Variants in SLC2A13 observed in about 807,000 individuals in gnomAD.
SLC2A13 encodes the protein proton myo-inositol cotransporter.
SLC2A13 carries 32 observed loss-of-function variants against 64.4 expected under a neutral mutation model. The ratio of observed to expected loss-of-function variants is 0.50; its 90% CI spans 0.37 to 0.67. The LOEUF (loss-of-function observed/expected upper bound fraction) is 0.67. Among genes scored for constraint, SLC2A13 ranks in the 30% least tolerant of loss-of-function variants. The pLI, the probability that SLC2A13 is intolerant of heterozygous loss-of-function variation, is 0.00. For synonymous variants in SLC2A13, 338 were observed against 327.1 expected, an observed-to-expected ratio of 1.03 and a Z score of -0.36; for missense variants, 743 against 829.2, an observed-to-expected ratio of 0.90 and a Z score of 1.28.
chr12:39,856,358 C>T (rs1943607356), intron 6 of SLC2A13, among the ~76,000 whole-genome samples: 1 of 151,970 alleles, frequency 6.6e-6, no homozygotes, highest in Non-Finnish European at 1.5e-5. Context: ...CTTTGCTATG[C>T]TTTATTTTAT....
At chr12:40,014,569 G>A (rs1045749507) in intron 3 of SLC2A13, among the ~76,000 whole-genome samples, 3 of 151,894 alleles carry the variant, frequency 2.0e-5, no homozygotes, top group Admixed American at 2.0e-4. Context: ...TCGGCTCACT[G>A]CAACCTCCAC....
chr12:39,821,409 C>CA (rs553327490), intron 7 of SLC2A13, among the ~76,000 whole-genome samples: 2,993 of 144,020 alleles, frequency 0.021, 65 homozygotes, highest in African/African-American at 0.052. Flanking sequence ...GACTCCGTCT[C>CA]AAAAAAAAAA....
intron 3 of SLC2A13, among the ~76,000 whole-genome samples, chr12:39,960,967 G>A (rs1248420305): frequency 9.3e-5 from 14 of 150,856 alleles, no homozygotes; most frequent in Non-Finnish European, 1.9e-4. Flanking sequence ...TGCTGGTCTC[G>A]AACTCCCGAC....
chr12:39,987,579 C>T (rs1270176066), intron 3 of SLC2A13, among the ~76,000 whole-genome samples: 1 of 152,156 alleles, frequency 6.6e-6, no homozygotes, highest in Non-Finnish European at 1.5e-5. Context: ...TAGTAATCAA[C>T]AGCATGTAGA....
intron 2 of SLC2A13, among the ~76,000 whole-genome samples, chr12:40,032,905 G>A (rs1287182832): frequency 6.6e-6 from 1 of 152,152 alleles, no homozygotes; most frequent in Non-Finnish European, 1.5e-5. Flanking sequence ...TTCCAGAGGT[G>A]TGATGATTAT....
At chr12:39,987,894 A>C (rs1015493727) in intron 3 of SLC2A13, among the ~76,000 whole-genome samples, 2 of 152,134 alleles carry the variant, frequency 1.3e-5, no homozygotes, top group African/African-American at 2.4e-5. Flanking sequence ...CTGTAAAAGT[A>C]CTGTTTAATA....
intron 1 of SLC2A13, among the ~76,000 whole-genome samples, chr12:40,083,100 T>G (rs1467436895): frequency 6.6e-6 from 1 of 152,176 alleles, no homozygotes; most frequent in East Asian, 1.9e-4. Context: ...TTATTCAGAT[T>G]ACTCAGGAGA....
At chr12:39,860,700 C>T (rs1375984379) in intron 6 of SLC2A13, among the ~76,000 whole-genome samples, 2 of 152,180 alleles carry the variant, frequency 1.3e-5, no homozygotes, top group African/African-American at 4.8e-5. Context: ...CCTCCTATGG[C>T]CACAGTTAAT....
intron 2 of SLC2A13, among the ~76,000 whole-genome samples, chr12:40,030,532 A>G (rs1382598124): frequency 6.6e-6 from 1 of 152,178 alleles, no homozygotes; most frequent in Non-Finnish European, 1.5e-5. Flanking sequence ...TCATTTATCT[A>G]CACTTCTCAT....
intron 3 of SLC2A13, among the ~76,000 whole-genome samples, chr12:40,020,034 C>T (rs1947686538): frequency 6.6e-6 from 1 of 152,094 alleles, no homozygotes; most frequent in Admixed American, 6.5e-5. Context: ...TGCTTAGTAC[C>T]AGAGGGTTTA....
At chr12:40,028,575 C>T (rs1055302848) in intron 2 of SLC2A13, 66 bp from the exon 3 acceptor site, 16 of 1,501,084 alleles carry the variant, frequency 1.1e-5, no homozygotes, top group Admixed American at 1.8e-5. Flanking sequence ...TCACCACATA[C>T]TTTTGTGTTG....
Position 39,759,908 on chromosome 12 carries a change from A to T in SLC2A13, c.*118T>A. On this transcript the variant is annotated 3_prime_UTR_variant, in exon 10 of 10. Transcript: ENST00000280871. Reference sequence around the variant, plus strand: ...CCTAATCAAGTATTCTAGAATATGAAGTCAATCAAAACTAGGCTGTGGAAA... The same window carrying T: ...CCTAATCAAGTATTCTAGAATATGATGTCAATCAAAACTAGGCTGTGGAAA... 1 of 692,406 alleles carries T rather than the reference A, an allele frequency of 1.4e-6. No homozygotes were observed. The highest frequency in any genetic ancestry group is 2.4e-6 in the Non-Finnish European group (1 of 411,308). The allele number at this position is 692,406 out of a possible 1,614,324, so 42.9% of individuals were successfully genotyped here.
intron 6 of SLC2A13, among the ~76,000 whole-genome samples, chr12:39,864,282 C>G (rs1943844869): frequency 6.6e-6 from 1 of 152,174 alleles, no homozygotes; most frequent in African/African-American, 2.4e-5. Flanking sequence ...TCTGAAAGAG[C>G]CTCAGTACTG....
chr12:39,902,738 A>G (rs913053710), intron 4 of SLC2A13, among the ~76,000 whole-genome samples: 22 of 152,214 alleles, frequency 1.4e-4, no homozygotes, highest in Non-Finnish European at 2.9e-4. Context: ...CACTAAGATT[A>G]AAAAAAGATA....
Position 39,757,479 on chromosome 12 carries a change from A to G in SLC2A13, c.*2547T>C, listed in dbSNP as rs1939999958. 1.3e-5 allele frequency: 2 copies of G among 151,656 alleles called. No individual in the cohort carries two copies. Among genetic ancestry groups the G allele is most frequent in the African/African-American group, 4.8e-5 (2 of 41,392 alleles). 9.4% of individuals were successfully genotyped at this position (151,656 alleles called of 1,614,324 possible). A position where few individuals can be genotyped will look rare whatever the true frequency, so the allele number is the denominator to read the frequency against. ...TTAAACATTTAATTTTTAATATACT[A>G]TAAATGTTCACCAAATCTAAAAATA... is the stretch of plus-strand genomic sequence containing the variant. On this transcript the variant is annotated 3_prime_UTR_variant, in exon 10 of 10. Coordinates refer to ENST00000280871, the MANE Select transcript of SLC2A13 (RefSeq NM_052885.4).
intron 4 of SLC2A13, among the ~76,000 whole-genome samples, chr12:39,887,256 A>G (rs1944487288): frequency 6.6e-6 from 1 of 152,242 alleles, no homozygotes; most frequent in Admixed American, 6.5e-5. Context: ...CATAAAATAC[A>G]AAAGTCATAC....
chr12:39,862,744 A>C (rs556259624), intron 6 of SLC2A13, among the ~76,000 whole-genome samples: 1 of 152,302 alleles, frequency 6.6e-6, no homozygotes, highest in African/African-American at 2.4e-5. Flanking sequence ...ATAGTGGACC[A>C]TATTTATGGG....
intron 7 of SLC2A13, among the ~76,000 whole-genome samples, chr12:39,783,649 T>C (rs987795745): frequency 3.3e-5 from 5 of 152,176 alleles, no homozygotes; most frequent in Non-Finnish European, 4.4e-5. Context: ...TCATTGTCTG[T>C]TGGCTGCATA....
At chr12:40,074,500 T>C (rs142007058) in intron 1 of SLC2A13, among the ~76,000 whole-genome samples, 1 of 152,162 alleles carries the variant, frequency 6.6e-6, no homozygotes, top group Non-Finnish European at 1.5e-5. Context: ...GTGTTTTTGA[T>C]CTCTAGCATT....
Sources: allele counts gnomAD v4.1 joint callset (sites outside exome capture counted in the v4.1 genomes callset), GRCh38; gene constraint gnomAD v4.1.1; transcripts MANE v1.5; gene names NCBI Gene and HGNC (gene_info 2026-07-23, HGNC 2026-07-21).